GALNT13: variants seen among roughly 807,000 people sequenced by gnomAD.
GALNT13 encodes UDP-GalNAc:polypeptide N-acetylgalactosaminyltransferase 13.
Under a neutral mutation model 64.2 loss-of-function variants are expected in GALNT13, and 28 were observed. The ratio of observed to expected loss-of-function variants is 0.44; its 90% CI spans 0.32 to 0.60. The LOEUF (loss-of-function observed/expected upper bound fraction) is 0.60. GALNT13 is among the 20% of genes least tolerant of loss of function. The pLI is 0.05. For missense variants in GALNT13, 577 were observed against 669.8 expected (o/e 0.86, Z 1.53); for synonymous variants, 214 against 224.6 (o/e 0.95, Z 0.42).
chr2:154,089,795 A>G (rs1701712549), intron 3 of GALNT13, among the ~76,000 whole-genome samples: 1 of 147,450 alleles, frequency 6.8e-6, no homozygotes, highest in East Asian at 2.1e-4. Flanking sequence ...CTCTTAGGAC[A>G]ATTTCCAGAT....
intron 3 of GALNT13, among the ~76,000 whole-genome samples, chr2:153,996,975 T>A (rs1456572194): frequency 6.6e-6 from 1 of 152,134 alleles, no homozygotes; most frequent in Non-Finnish European, 1.5e-5. Flanking sequence ...AAAAAGACAG[T>A]TTACTGAGAT....
chr2:153,442,800 A>C, the GALNT13 span, among the ~76,000 whole-genome samples: 2 of 152,130 alleles, frequency 1.3e-5, no homozygotes, highest in Admixed American at 6.5e-5. Flanking sequence ...TGAGCTGCAG[A>C]GGGCTCCTCC....
chr2:154,016,893 AT>A (rs1180044163), intron 3 of GALNT13, among the ~76,000 whole-genome samples: 1 of 152,118 alleles, frequency 6.6e-6, no homozygotes, highest in Non-Finnish European at 1.5e-5. Flanking sequence ...CGGTCAAGGG[AT>A]TTTTGTTGTT....
At chr2:153,941,067 T>G (rs1442704870) in intron 2 of GALNT13, among the ~76,000 whole-genome samples, 1 of 152,168 alleles carries the variant, frequency 6.6e-6, no homozygotes, top group Non-Finnish European at 1.5e-5. Flanking sequence ...ACATCAAAAT[T>G]TTTTTTGAGA....
At chr2:153,942,166 T>A (rs1327391569) in intron 2 of GALNT13, among the ~76,000 whole-genome samples, 1 of 152,176 alleles carries the variant, frequency 6.6e-6, no homozygotes, top group Non-Finnish European at 1.5e-5. Context: ...TTTATCTTGA[T>A]TAAGCCTCAC....
intron 9 of GALNT13, among the ~76,000 whole-genome samples, chr2:154,358,794 G>C (rs1447331523): frequency 1.3e-5 from 2 of 152,086 alleles, no homozygotes; most frequent in African/African-American, 4.8e-5. Flanking sequence ...GCCACGTACA[G>C]TCTCTAGCTC....
chr2:153,642,760 C>T, the GALNT13 span, among the ~76,000 whole-genome samples: 68 of 151,868 alleles, frequency 4.5e-4, no homozygotes, highest in African/African-American at 1.5e-3. Context: ...TTTGAACCCA[C>T]AATTAAAGCA....
the GALNT13 span, among the ~76,000 whole-genome samples, chr2:153,684,936 A>G: frequency 6.6e-6 from 1 of 151,728 alleles, no homozygotes; most frequent in African/African-American, 2.4e-5. Flanking sequence ...TAGTTTGCTA[A>G]GGATAATGGC....
At chr2:153,108,234 AT>A in the GALNT13 span, among the ~76,000 whole-genome samples, 1 of 152,206 alleles carries the variant, frequency 6.6e-6, no homozygotes, top group Admixed American at 6.6e-5. Context: ...TGCTATTGCA[AT>A]AAAATACATG....
chr2:153,128,921 G>A, the GALNT13 span, among the ~76,000 whole-genome samples: 6 of 152,026 alleles, frequency 3.9e-5, no homozygotes, highest in African/African-American at 7.2e-5. Flanking sequence ...AGAACAGCAT[G>A]GGAAAGACCT....
intron 10 of GALNT13, among the ~76,000 whole-genome samples, chr2:154,401,874 A>T (rs1347250187): frequency 6.6e-6 from 1 of 152,182 alleles, no homozygotes; most frequent in Non-Finnish European, 1.5e-5. Context: ...TTCTAAATCC[A>T]GTTCTCCATA....
intron 3 of GALNT13, among the ~76,000 whole-genome samples, chr2:154,083,700 G>T (rs776834995): frequency 2.6e-5 from 4 of 151,490 alleles, no homozygotes; most frequent in African/African-American, 4.8e-5. Flanking sequence ...CTTGCACCAC[G>T]GATAATTAAG....
At chr2:153,970,903 C>T (rs1693692559) in intron 3 of GALNT13, among the ~76,000 whole-genome samples, 1 of 152,108 alleles carries the variant, frequency 6.6e-6, no homozygotes, top group African/African-American at 2.4e-5. Flanking sequence ...CAGATCATGC[C>T]ATTCCTCTGC....
chr2:153,494,977 C>T, the GALNT13 span, among the ~76,000 whole-genome samples: 1 of 152,044 alleles, frequency 6.6e-6, no homozygotes, highest in African/African-American at 2.4e-5. Flanking sequence ...AGAAGATTCA[C>T]AATATCTCAA....
rs190428421 is a variant in GALNT13 at position 154,316,940 on chromosome 2, C to T, written c.1156+15351C>T. Among the ~76,000 whole-genome samples the T allele has an allele frequency of 1.6e-3, 236 of 152,200 alleles. 3 individuals carry two copies. The highest frequency in any genetic ancestry group is 5.4e-3 in the African/African-American group (224 of 41,544). On this transcript the variant is annotated intron_variant, in intron 9 of 12. Coordinates refer to ENST00000392825, the MANE Select transcript of GALNT13 (RefSeq NM_052917.4). ...CTTGAAAATACAGGTGGGCCAGGTG[C>T]GGTGGCTGATGCCTGTAATCCCAGC...
the GALNT13 span, among the ~76,000 whole-genome samples, chr2:153,570,309 A>G: frequency 6.6e-6 from 1 of 151,984 alleles, no homozygotes; most frequent in African/African-American, 2.4e-5. Flanking sequence ...ATTTTTCCCT[A>G]TAGTGTTGTT....
At chr2:153,834,850 G>C in the GALNT13 span, among the ~76,000 whole-genome samples, 2 of 152,092 alleles carry the variant, frequency 1.3e-5, no homozygotes, top group Non-Finnish European at 2.9e-5. Context: ...AGATGAAGCT[G>C]TCTGTACCTA....
chr2:153,326,469 C>T, the GALNT13 span, among the ~76,000 whole-genome samples: 1 of 152,096 alleles, frequency 6.6e-6, no homozygotes, highest in African/African-American at 2.4e-5. Flanking sequence ...TTAATTGGAG[C>T]ATTTAGCCCA....
intron 4 of GALNT13, among the ~76,000 whole-genome samples, chr2:154,209,778 T>C (rs1687665440): frequency 6.6e-6 from 1 of 152,190 alleles, no homozygotes; most frequent in South Asian, 2.1e-4. Flanking sequence ...AATTGTGATC[T>C]TTGATATATG....
Sources: gnomAD v4.1 joint callset for allele counts (sites outside exome capture counted in the v4.1 genomes callset) on GRCh38, gnomAD v4.1.1 for gene constraint, MANE v1.5 for transcripts, NCBI Gene and HGNC (gene_info 2026-07-23, HGNC 2026-07-21) for gene names.